The following SLIT1 variants were observed in gnomAD, a reference collection of about 807,000 sequenced individuals.
The protein encoded by SLIT1 is slit guidance ligand 1.
In SLIT1, 66 loss-of-function variants were observed where a neutral mutation model predicts 186.1. That is an observed-to-expected ratio of 0.35 (90% CI 0.29 to 0.44). The LOEUF is 0.44. Among genes scored for constraint, SLIT1 ranks in the 20% least tolerant of loss-of-function variants. The pLI is 1.00. For synonymous variants in SLIT1, 761 were observed against 833.8 expected (o/e 0.91, Z 1.50); for missense variants, 1,638 against 2,037.4 (o/e 0.80, Z 3.77).
At chr10:97,064,747 T>G (rs1398731257) in intron 6 of SLIT1, 58 bp downstream of exon 6, 1 of 1,345,686 alleles carries the variant, frequency 7.4e-7, no homozygotes. Context: ...CTGCGGCACT[T>G]GGCACCTGCC....
intron 4 of SLIT1, among the ~76,000 whole-genome samples, chr10:97,129,170 G>T (rs1243163274): frequency 6.6e-6 from 1 of 152,142 alleles, no homozygotes; most frequent in Non-Finnish European, 1.5e-5. Flanking sequence ...GGGAGACCTA[G>T]GTGGGCGGAT....
At chr10:97,002,116 G>A (rs1848314867) in intron 36 of SLIT1, 42 bp downstream of exon 36, 3 of 1,292,694 alleles carry the variant, frequency 2.3e-6, no homozygotes, top group Middle Eastern at 2.8e-4. Context: ...AGCAATTTGT[G>A]GGGGACCCTG....
chr10:97,060,556 C>G (rs1160373500), intron 9 of SLIT1, 84 bp downstream of exon 9: 2 of 1,542,718 alleles, frequency 1.3e-6, no homozygotes, highest in Admixed American at 3.5e-5. Flanking sequence ...CCTGAGGCAG[C>G]GCCTACTCCA....
chr10:97,011,067 G>A lies in SLIT1; in HGVS notation c.3267C>T (p.Asp1089=), dbSNP rs987956652. ...NCSENQDDCR[D]HRCQNGAQCM... Reference sequence around the variant, plus strand: ...ACTGGGCCCCATTCTGGCAGCGGTGGTCCCTGCAGTCATCCTGGTTCTCAC... The same window carrying A: ...ACTGGGCCCCATTCTGGCAGCGGTGATCCCTGCAGTCATCCTGGTTCTCAC... Residue 1089 remains aspartate, a synonymous_variant, in exon 31 of 37, where the codon GAC becomes GAT. Transcript: ENST00000266058. The A allele has an allele frequency of 1.2e-6, 2 of 1,613,374 alleles. No individual in the cohort carries two copies. The highest frequency in any genetic ancestry group is 8.5e-7 in the Non-Finnish European group (1 of 1,179,324).
chr10:97,044,371 C>T (rs906615467), intron 18 of SLIT1, among the ~76,000 whole-genome samples: 1 of 152,030 alleles, frequency 6.6e-6, no homozygotes, highest in African/African-American at 2.4e-5. Context: ...ACCCCAGCTG[C>T]CTGGGAGACA....
At position 97,004,919 on chromosome 10, in the gene SLIT1, A is replaced by T. The variant is rs185366278; in HGVS notation, c.3580-96T>A. The stretch of plus-strand genomic sequence containing the variant: ...GAGAGGGCACCCAAGATTGGAAGAG[A>T]GATGCTCTGTGCAGAGCGCTCTTCC... On this transcript the variant is annotated intron_variant, in intron 32 of 36. Transcript: ENST00000266058. This position sits in a 1 kb window ranked among gnomAD's most constrained non-coding sequence, Gnocchi z 5.1. 2.7e-6 allele frequency: 4 copies of T among 1,459,112 alleles called. No homozygotes were observed. The East Asian group carries it at 9.1e-5, about 33-fold the overall frequency. 90.4% of individuals were successfully genotyped at this position (1,459,112 alleles called of 1,614,324 possible).
At chr10:97,037,499 C>T (rs1342063122) in intron 22 of SLIT1, among the ~76,000 whole-genome samples, 199 bp downstream of exon 22, 2 of 152,084 alleles carry the variant, frequency 1.3e-5, no homozygotes, top group Non-Finnish European at 2.9e-5. Flanking sequence ...CCCAACATGG[C>T]CTGGAACTAT....
chr10:97,011,230 A>G, intron 30 of SLIT1, 100 bp from the exon 31 acceptor site: 1 of 807,122 alleles, frequency 1.2e-6, no homozygotes, highest in Non-Finnish European at 2.1e-6. Context: ...TGTACATGTG[A>G]GGGAGAACCT....
At chr10:97,097,739 T>C (rs989048855) in intron 4 of SLIT1, among the ~76,000 whole-genome samples, 16 of 152,352 alleles carry the variant, frequency 1.1e-4, no homozygotes, top group Non-Finnish European at 2.4e-4. Context: ...CCCTCTGCTA[T>C]ATGTCCTGGT....
intron 23 of SLIT1, among the ~76,000 whole-genome samples, chr10:97,034,012 C>T (rs1334388620): frequency 6.6e-6 from 1 of 152,046 alleles, no homozygotes; most frequent in Non-Finnish European, 1.5e-5. Flanking sequence ...CTACAGGCAC[C>T]CGCCACCCAG....
chr10:97,067,126 C>A (rs1350256607), intron 4 of SLIT1, among the ~76,000 whole-genome samples: 2 of 152,172 alleles, frequency 1.3e-5, no homozygotes, highest in East Asian at 3.8e-4. Context: ...GGCAACAGGG[C>A]ACCTCCGAGA....
rs553159225 is a variant in SLIT1 at position 97,036,937 on chromosome 10, T to C, written c.2366+761A>G. On this transcript the variant is annotated intron_variant, in intron 22 of 36. Coordinates refer to ENST00000266058, the MANE Select transcript of SLIT1 (RefSeq NM_003061.3). ...AAACTTAGTTACAGGTATGTATTTG[T>C]AGCTGCCATAGTTCATACTTGGTTT... 1.6e-4 allele frequency among the ~76,000 whole-genome samples: 25 copies of C among 152,360 alleles called. No homozygotes were observed. The South Asian group carries it at 5.0e-3, about 30-fold the overall frequency.
chr10:97,109,182 C>T (rs1168792044), intron 4 of SLIT1, among the ~76,000 whole-genome samples: 1 of 150,982 alleles, frequency 6.6e-6, no homozygotes, highest in Non-Finnish European at 1.5e-5. Flanking sequence ...GACCTCATCT[C>T]CACCAAAAAG....
chr10:97,089,827 G>C (rs1235510251), intron 4 of SLIT1, among the ~76,000 whole-genome samples: 1 of 152,150 alleles, frequency 6.6e-6, no homozygotes, highest in Non-Finnish European at 1.5e-5. Context: ...GTCAGTTAAG[G>C]GCAGAAACTC....
At chr10:97,105,327 C>A (rs1490528489) in intron 4 of SLIT1, among the ~76,000 whole-genome samples, 1 of 152,202 alleles carries the variant, frequency 6.6e-6, no homozygotes, top group Non-Finnish European at 1.5e-5. Flanking sequence ...CAAAAACACA[C>A]ACAAAAAGGC....
At chr10:97,053,703 A>G (rs899078997) in intron 13 of SLIT1, among the ~76,000 whole-genome samples, 1 of 152,238 alleles carries the variant, frequency 6.6e-6, no homozygotes, top group African/African-American at 2.4e-5. Flanking sequence ...TCAGAATTAA[A>G]GATGTAGATG....
chr10:97,113,843 C>T (rs905805870), intron 4 of SLIT1, among the ~76,000 whole-genome samples: 13 of 152,140 alleles, frequency 8.5e-5, no homozygotes, highest in African/African-American at 2.9e-4. Flanking sequence ...GGCGTGAGCC[C>T]GGCCTCTTTT....
chr10:97,004,101 T>C lies in SLIT1; in HGVS notation c.3832A>G (p.Thr1278Ala). 1 of 1,613,454 alleles carries C rather than the reference T, an allele frequency of 6.2e-7. No homozygotes were observed. The highest frequency in any genetic ancestry group is 8.5e-7 in the Non-Finnish European group (1 of 1,179,448). Residue 1278 changes from threonine to alanine, a missense_variant, in exon 34 of 37, where the codon ACG (threonine) becomes GCG (alanine). Physicochemically the swap from Thr to Ala is moderately conservative, Grantham distance 58. Around this residue, in one of 3 missense-constraint regions of SLIT1, gnomAD observed 173 missense variants for 290.9 expected, o/e 0.59. Transcript: ENST00000266058. The surrounding 1 kb of genome is among the most constrained non-coding windows in gnomAD (Gnocchi z 5.1). ...MTMDNFGKHY[T>A]LNSEAPLYVG... ...TAGAGTGGCGCCTCGCTGTTGAGCG[T>C]GTAATGTTTGCCAAAGTTGTCCATG...
intron 21 of SLIT1, among the ~76,000 whole-genome samples, chr10:97,039,760 C>T (rs956215612): frequency 6.6e-6 from 1 of 152,246 alleles, no homozygotes; most frequent in Admixed American, 6.5e-5. Context: ...AGGAAGCACT[C>T]GCTGCCATGC....
Sources: gnomAD v4.1 joint callset for allele counts (sites outside exome capture counted in the v4.1 genomes callset) on GRCh38, gnomAD v4.1.1 for gene constraint, gnomAD v4.1.1 regional missense constraint, Gnocchi (gnomAD v3.1) non-coding constraint, MANE v1.5 for transcripts, NCBI Gene and HGNC (gene_info 2026-07-23, HGNC 2026-07-21) for gene names.